Variants in TSPAN5 observed in about 807,000 individuals in gnomAD.
TSPAN5 encodes tetraspanin 5.
TSPAN5 carries 10 observed loss-of-function variants against 37.1 expected under a neutral mutation model. The ratio of observed to expected loss-of-function variants is 0.27; its 90% CI spans 0.17 to 0.46. The LOEUF (loss-of-function observed/expected upper bound fraction) is 0.46. TSPAN5 is among the 20% of genes least tolerant of loss of function. The probability of loss-of-function intolerance (pLI) is 1.00; values close to 1 mark genes in which losing one functional copy is unlikely to be tolerated. For synonymous variants in TSPAN5, 110 were observed against 118.9 expected (o/e 0.93, Z 0.48); for missense variants, 195 against 326.6 (o/e 0.60, Z 3.11).
chr4:98,567,765 C>T (rs906529702), intron 1 of TSPAN5, among the ~76,000 whole-genome samples: 10 of 77,696 alleles, frequency 1.3e-4, no homozygotes. Flanking sequence ...GGCAGTGGGT[C>T]AGAGAAGTAG....
intron 1 of TSPAN5, among the ~76,000 whole-genome samples, chr4:98,580,300 G>C (rs1279233988): frequency 6.6e-6 from 1 of 152,216 alleles, no homozygotes; most frequent in Non-Finnish European, 1.5e-5. Context: ...CTGCACAGTT[G>C]AGTCCATCTG....
chr4:98,500,528 G>C (rs1753321290), intron 2 of TSPAN5, among the ~76,000 whole-genome samples: 1 of 152,208 alleles, frequency 6.6e-6, no homozygotes, highest in Non-Finnish European at 1.5e-5. Flanking sequence ...GAGGATGACA[G>C]GGGACTGGCC....
chr4:98,658,274 T>C lies in TSPAN5; in HGVS notation c.-48A>G, dbSNP rs1341735458. 2 of 1,494,844 alleles carry C rather than the reference T, an allele frequency of 1.3e-6. No individual in the cohort carries two copies. Among genetic ancestry groups the C allele is most frequent in the East Asian group, 2.3e-5 (1 of 44,268 alleles). 92.6% of individuals were successfully genotyped at this position (1,494,844 alleles called of 1,614,324 possible). A position where few individuals can be genotyped will look rare whatever the true frequency, so the allele number is the denominator to read the frequency against. On this transcript the variant is annotated 5_prime_UTR_variant, in exon 1 of 8. Coordinates refer to ENST00000305798, the MANE Select transcript of TSPAN5 (RefSeq NM_005723.4). ...TGCCCCGGCAGCCCGAGTTTGGAGCTCCGAAGCACCGTTGCTCGGAGCAGC... is the reference window on the plus strand; with the variant it reads ...TGCCCCGGCAGCCCGAGTTTGGAGCCCCGAAGCACCGTTGCTCGGAGCAGC...
intron 2 of TSPAN5, among the ~76,000 whole-genome samples, chr4:98,506,526 G>A (rs557896862): frequency 6.6e-6 from 1 of 152,284 alleles, no homozygotes; most frequent in East Asian, 1.9e-4. Flanking sequence ...TTTGAGTTTT[G>A]TTTTATATGG....
At chr4:98,491,259 T>G (rs2110269501) in intron 2 of TSPAN5, among the ~76,000 whole-genome samples, 1 of 152,282 alleles carries the variant, frequency 6.6e-6, no homozygotes, top group East Asian at 1.9e-4. Context: ...CCTCAAATCT[T>G]GAAACACAAG....
At chr4:98,547,921 C>T (rs1412482393) in intron 1 of TSPAN5, among the ~76,000 whole-genome samples, 1 of 150,446 alleles carries the variant, frequency 6.6e-6, no homozygotes, top group Non-Finnish European at 1.5e-5. Context: ...AGGAGAATCC[C>T]TTGAACCCTG....
At chr4:98,550,570 G>A (rs915328255) in intron 1 of TSPAN5, among the ~76,000 whole-genome samples, 1 of 143,814 alleles carries the variant, frequency 7.0e-6, no homozygotes, top group African/African-American at 2.5e-5. Context: ...TCGGTGTTTT[G>A]TAGTTCACCT....
At chr4:98,531,348 C>A (rs1754082668) in intron 1 of TSPAN5, among the ~76,000 whole-genome samples, 1 of 152,128 alleles carries the variant, frequency 6.6e-6, no homozygotes, top group South Asian at 2.1e-4. Flanking sequence ...TGATAGTTTG[C>A]TGAGAAAGAG....
chr4:98,532,438 T>A (rs998961099), intron 1 of TSPAN5, among the ~76,000 whole-genome samples: 54 of 152,226 alleles, frequency 3.5e-4, no homozygotes, highest in African/African-American at 1.3e-3. Flanking sequence ...AGGTATTTTA[T>A]TCTCTTTGAA....
chr4:98,490,481 A>C (rs1316902712), intron 2 of TSPAN5, among the ~76,000 whole-genome samples: 3 of 152,152 alleles, frequency 2.0e-5, no homozygotes, highest in African/African-American at 7.2e-5. Context: ...CGGAAACAAC[A>C]ATCATTGGGG....
intron 1 of TSPAN5, among the ~76,000 whole-genome samples, chr4:98,633,289 A>G (rs747294689): frequency 1.3e-5 from 2 of 152,198 alleles, no homozygotes; most frequent in South Asian, 4.1e-4. Flanking sequence ...AAACACTAAA[A>G]CTACGCTACA....
At chr4:98,531,496 T>A (rs1458762529) in intron 1 of TSPAN5, among the ~76,000 whole-genome samples, 1 of 152,230 alleles carries the variant, frequency 6.6e-6, no homozygotes, top group Non-Finnish European at 1.5e-5. Context: ...TGGTTCCAAG[T>A]CTTTGCTATT....
intron 1 of TSPAN5, among the ~76,000 whole-genome samples, chr4:98,601,169 C>T (rs1217823503): frequency 6.6e-6 from 1 of 152,168 alleles, no homozygotes; most frequent in African/African-American, 2.4e-5. Context: ...ATAGAGTCAG[C>T]ATCATTCTTA....
chr4:98,492,052 G>A (rs1404591560), intron 2 of TSPAN5, among the ~76,000 whole-genome samples: 1 of 152,078 alleles, frequency 6.6e-6, no homozygotes, highest in Non-Finnish European at 1.5e-5. Context: ...CGCCTCTTCT[G>A]GGAACAGCAC....
chr4:98,592,428 G>GTTTTTTTTTTTTTTTTTTTT (rs35941064), intron 1 of TSPAN5, among the ~76,000 whole-genome samples: 3 of 119,104 alleles, frequency 2.5e-5, no homozygotes, highest in South Asian at 2.9e-4. Context: ...TCTGTTTTTT[G>GTTTTTTTTTTTTTTTTTTTT]TTTTTTTTTT....
intron 1 of TSPAN5, among the ~76,000 whole-genome samples, chr4:98,578,047 C>T (rs1005469805): frequency 3.9e-5 from 6 of 152,204 alleles, no homozygotes; most frequent in African/African-American, 1.4e-4. Flanking sequence ...ATTCAACACA[C>T]ATCCTATTTT....
intron 1 of TSPAN5, among the ~76,000 whole-genome samples, chr4:98,592,440 T>TTG (rs1199173035): frequency 3.4e-5 from 5 of 148,634 alleles, no homozygotes; most frequent in African/African-American, 1.3e-4. Flanking sequence ...TTTTTTTTTT[T>TTG]TTTTTTTTAT....
At chr4:98,536,486 C>A (rs1046562217) in intron 1 of TSPAN5, among the ~76,000 whole-genome samples, 4 of 152,342 alleles carry the variant, frequency 2.6e-5, no homozygotes, top group Admixed American at 2.6e-4. Flanking sequence ...CAGGGACCCA[C>A]TTGAGGAGGC....
chr4:98,551,492 CTTTTTT>C (rs35415457), intron 1 of TSPAN5, among the ~76,000 whole-genome samples: 1 of 92,240 alleles, frequency 1.1e-5, no homozygotes, highest in African/African-American at 4.2e-5. Flanking sequence ...TTTTTCTTTT[CTTTTTT>C]TTTTTTTTTT....
Sources: allele counts gnomAD v4.1 joint callset (sites outside exome capture counted in the v4.1 genomes callset), GRCh38; gene constraint gnomAD v4.1.1; transcripts MANE v1.5; gene names NCBI Gene and HGNC (gene_info 2026-07-23, HGNC 2026-07-21).